SASS6: variants seen among roughly 807,000 people sequenced by gnomAD.
SASS6 encodes SAS-6 centriolar assembly protein, also known as spindle assembly abnormal protein 6 homolog.
In SASS6, 59 loss-of-function variants were observed where a neutral mutation model predicts 94.9. The observed-to-expected ratio is 0.62, with a 90% CI of 0.50 to 0.77. SASS6 has a LOEUF of 0.77. SASS6 is among the 30% of genes least tolerant of loss of function. The probability of loss-of-function intolerance (pLI) is 0.00; values close to 1 mark genes in which losing one functional copy is unlikely to be tolerated. For synonymous variants in SASS6, 264 were observed against 270.0 expected, an observed-to-expected ratio of 0.98 and a Z score of 0.22; for missense variants, 698 against 734.1, an observed-to-expected ratio of 0.95 and a Z score of 0.57.
Position 100,107,619 on chromosome 1 carries a change from A to T in SASS6, c.1146+9T>A. 6.3e-7 allele frequency: 1 copy of T among 1,582,520 alleles called. No individual in the cohort carries two copies. ...TGAAATACTAGTCTATAAAATTTTT[A>T]AAACAAACCTTCAGAAGTTCTGCAG... On this transcript the variant is annotated intron_variant, in intron 10 of 16. Coordinates refer to ENST00000287482, the MANE Select transcript of SASS6 (RefSeq NM_194292.3).
intron 14 of SASS6, among the ~76,000 whole-genome samples, chr1:100,090,295 T>C (rs1271962395): frequency 6.6e-6 from 1 of 152,006 alleles, no homozygotes; most frequent in African/African-American, 2.4e-5. Context: ...ATTATAAATA[T>C]CTAAAAGAAA....
At chr1:100,124,813 G>C (rs1400845009) in intron 2 of SASS6, among the ~76,000 whole-genome samples, 2 of 152,186 alleles carry the variant, frequency 1.3e-5, no homozygotes, top group Non-Finnish European at 2.9e-5. Context: ...TTCCACCTCA[G>C]ATCAGCCATT....
At chr1:100,087,497 T>G (rs142040351) in intron 15 of SASS6, among the ~76,000 whole-genome samples, 113 of 152,310 alleles carry the variant, frequency 7.4e-4, no homozygotes, top group Non-Finnish European at 1.4e-3. Flanking sequence ...AAACATGAAG[T>G]CTATCCAGAG....
At chr1:100,107,201 A>T (rs1652972235) in intron 11 of SASS6, among the ~76,000 whole-genome samples, 173 bp downstream of exon 11, 1 of 152,116 alleles carries the variant, frequency 6.6e-6, no homozygotes, top group Non-Finnish European at 1.5e-5. Flanking sequence ...TATCTGAATC[A>T]TGATAACTAA....
At chr1:100,120,222 A>G (rs1413462488) in intron 6 of SASS6, among the ~76,000 whole-genome samples, 172 bp downstream of exon 6, 2 of 152,224 alleles carry the variant, frequency 1.3e-5, no homozygotes, top group African/African-American at 4.8e-5. Context: ...TGTACAAGAG[A>G]AAGTATCAAA....
At chr1:100,098,221 C>T (rs1395410360) in intron 14 of SASS6, among the ~76,000 whole-genome samples, 1 of 151,814 alleles carries the variant, frequency 6.6e-6, no homozygotes, top group Non-Finnish European at 1.5e-5. Context: ...ATGTAAAGAA[C>T]ACTTATAAAA....
intron 1 of SASS6, among the ~76,000 whole-genome samples, chr1:100,126,748 C>T (rs568734532): frequency 6.6e-6 from 1 of 152,114 alleles, no homozygotes; most frequent in East Asian, 1.9e-4. Flanking sequence ...TGCACACCAG[C>T]CTGGGCAACA....
chr1:100,124,463 C>T (rs1044015985), intron 2 of SASS6, among the ~76,000 whole-genome samples: 4 of 152,214 alleles, frequency 2.6e-5, no homozygotes, highest in Non-Finnish European at 4.4e-5. Flanking sequence ...TCACTGCAGC[C>T]TCAACCTCCC....
At chr1:100,123,890 T>A (rs1654381861) in intron 2 of SASS6, among the ~76,000 whole-genome samples, 1 of 152,198 alleles carries the variant, frequency 6.6e-6, no homozygotes, top group Non-Finnish European at 1.5e-5. Flanking sequence ...AAGATCACTT[T>A]CCAGGTAGCT....
chr1:100,114,119 A>C (rs1653610006), intron 7 of SASS6, among the ~76,000 whole-genome samples: 1 of 152,200 alleles, frequency 6.6e-6, no homozygotes, highest in Admixed American at 6.5e-5. Flanking sequence ...ATAATCATGG[A>C]GAAAACTGGA....
In SASS6 at chr1:100,085,387, G is replaced by A. The variant is rs901693179; in HGVS notation, c.1915C>T (p.Pro639Ser). Residue 639 changes from proline to serine, a missense_variant, in exon 17 of 17, where the codon CCC becomes TCC. Coordinates refer to ENST00000287482, the MANE Select transcript of SASS6 (RefSeq NM_194292.3). ...TLGALHTSSK[P>S]TALPSASSAY... ...GAAGACGCAGAGGGGAGCGCTGTGGGTTTGGAAGATGTATGTAATGCTCCT... is the reference window on the plus strand; with the variant it reads ...GAAGACGCAGAGGGGAGCGCTGTGGATTTGGAAGATGTATGTAATGCTCCT... The A allele has an allele frequency of 9.9e-6, 16 of 1,613,672 alleles. No homozygotes were observed. The highest frequency in any genetic ancestry group is 2.7e-5 in the African/African-American group (2 of 74,906).
Position 100,125,957 on chromosome 1 carries a change from A to G in SASS6, c.66-15T>C. 2 of 1,368,584 alleles carry G rather than the reference A, an allele frequency of 1.5e-6. No individual in the cohort carries two copies. The highest frequency in any genetic ancestry group is 2.0e-6 in the Non-Finnish European group (2 of 984,686). 84.8% of individuals were successfully genotyped at this position (1,368,584 alleles called of 1,614,324 possible). ...TACTTACTCTCCTGTAGGAAAAGAC[A>G]TACCCAACCATCAGAAACATTCACA... On this transcript the variant is annotated splice_polypyrimidine_tract_variant and intron_variant, in intron 1 of 16. Coordinates refer to ENST00000287482, the MANE Select transcript of SASS6 (RefSeq NM_194292.3).
intron 3 of SASS6, among the ~76,000 whole-genome samples, chr1:100,122,812 A>G (rs371273407): frequency 2.0e-5 from 3 of 151,988 alleles, no homozygotes; most frequent in Non-Finnish European, 4.4e-5. Flanking sequence ...CGGCCGCCCA[A>G]AGTGCTGGGA....
chr1:100,127,248 T>A (rs1274352499), intron 1 of SASS6, among the ~76,000 whole-genome samples: 1 of 152,232 alleles, frequency 6.6e-6, no homozygotes, highest in East Asian at 1.9e-4. Flanking sequence ...AAAAGTAAAC[T>A]AACAAATAGA....
In SASS6 at chr1:100,105,854, C is replaced by T; in HGVS notation, c.1458G>A (p.Lys486=). Residue 486 remains lysine (K), a synonymous_variant, in exon 13 of 17, where the codon AAG becomes AAA. Transcript: ENST00000287482. ...TAGTAGAAGGTCCCAATACATCTTG[C>T]TTTCTCACTAGCTGATTTTCATTTA... is the stretch of plus-strand genomic sequence containing the variant. ...KELNENQLVR[K]QDVLGPSTTP... 1.2e-6 allele frequency: 2 copies of T among 1,610,692 alleles called. No homozygotes were observed. Among genetic ancestry groups the T allele is most frequent in the Non-Finnish European group, 1.7e-6 (2 of 1,177,908 alleles).
intron 7 of SASS6, among the ~76,000 whole-genome samples, chr1:100,112,289 T>A (rs1653401622): frequency 6.6e-6 from 1 of 151,978 alleles, no homozygotes; most frequent in Admixed American, 6.6e-5. Flanking sequence ...ATGATATGAA[T>A]GGGAAAACAA....
chr1:100,122,195 A>G (rs1654244097), intron 4 of SASS6, among the ~76,000 whole-genome samples, 185 bp downstream of exon 4: 1 of 152,252 alleles, frequency 6.6e-6, no homozygotes, highest in African/African-American at 2.4e-5. Flanking sequence ...CATGAAAATT[A>G]AGAAATATTT....
chr1:100,087,523 T>C (rs1651396306), intron 15 of SASS6, among the ~76,000 whole-genome samples: 1 of 152,194 alleles, frequency 6.6e-6, no homozygotes. Flanking sequence ...AGTTTGCCTG[T>C]ATGAGTGGTT....
At chr1:100,111,498 AATG>A (rs1653326061) in intron 7 of SASS6, among the ~76,000 whole-genome samples, 3 of 152,158 alleles carry the variant, frequency 2.0e-5, no homozygotes, top group East Asian at 1.9e-4. Flanking sequence ...TTATAAATAA[AATG>A]ATGATTTTTT....
Sources: gnomAD v4.1 joint callset for allele counts (sites outside exome capture counted in the v4.1 genomes callset) on GRCh38, gnomAD v4.1.1 for gene constraint, MANE v1.5 for transcripts, NCBI Gene and HGNC (gene_info 2026-07-23, HGNC 2026-07-21) for gene names.